The following ISM2 variants were observed in gnomAD, a reference collection of about 807,000 sequenced individuals.
The protein encoded by ISM2 is isthmin-2.
In ISM2, 50 loss-of-function variants were observed where a neutral mutation model predicts 58.0. The observed-to-expected ratio is 0.86, with a 90% CI of 0.69 to 1.09. ISM2 has a LOEUF of 1.09. Ranked by LOEUF, ISM2 falls within the 50% of genes least tolerant of loss-of-function variation. The pLI is 0.00. For synonymous variants in ISM2, 303 were observed against 312.4 expected, an observed-to-expected ratio of 0.97 and a Z score of 0.32; for missense variants, 723 against 745.0, an observed-to-expected ratio of 0.97 and a Z score of 0.34.
At chr14:77,493,042 G>A (rs537996892) in intron 1 of ISM2, among the ~76,000 whole-genome samples, 3 of 152,122 alleles carry the variant, frequency 2.0e-5, no homozygotes, top group African/African-American at 4.8e-5. Context: ...CACCCAGGCT[G>A]GAGTGCAGTG....
intron 1 of ISM2, among the ~76,000 whole-genome samples, chr14:77,490,275 G>T (rs2079194758): frequency 6.6e-6 from 1 of 152,270 alleles, no homozygotes; most frequent in African/African-American, 2.4e-5. Flanking sequence ...GGGATTACAG[G>T]CGTGAGCCAC....
At chr14:77,486,045 C>T (rs2079165633) in intron 1 of ISM2, among the ~76,000 whole-genome samples, 1 of 152,244 alleles carries the variant, frequency 6.6e-6, no homozygotes, top group Non-Finnish European at 1.5e-5. Flanking sequence ...TTTCATCCTC[C>T]CTGTCTTACA....
At chr14:77,493,008 A>C (rs1009929840) in intron 1 of ISM2, among the ~76,000 whole-genome samples, 7 of 152,004 alleles carry the variant, frequency 4.6e-5, no homozygotes, top group African/African-American at 1.7e-4. Context: ...AAAAAGAAAA[A>C]AAAAAGACAG....
intron 5 of ISM2, 124 bp from the exon 6 acceptor site, chr14:77,478,449 G>T: frequency 7.0e-7 from 1 of 1,435,886 alleles, no homozygotes. Context: ...CTGGGACAAG[G>T]CAGGACCACC....
intron 1 of ISM2, 190 bp downstream of exon 1, chr14:77,498,462 GA>G: frequency 8.5e-7 from 1 of 1,173,190 alleles, no homozygotes; most frequent in Non-Finnish European, 1.2e-6. Flanking sequence ...GCGAGGAGTG[GA>G]AGCCCCGAAG....
Position 77,475,871 on chromosome 14 carries a change from C to T in ISM2, c.1440G>A (p.Leu480=), listed in dbSNP as rs1306812133. 1.2e-6 allele frequency: 2 copies of T among 1,607,764 alleles called. No homozygotes were observed. The highest frequency in any genetic ancestry group is 1.7e-5 in the Admixed American group (1 of 60,006). ...PTARFCLRSM[L]SGESSTLAAQ... is the part of the protein sequence containing the mutation. ...CGGCCAGTGTGCTGCTCTCCCCAGA[C>T]AGCATGGAACGCAGGCAGAAGCGCG... is the stretch of plus-strand genomic sequence containing the variant. The change falls in exon 7 of 7, where the codon CTG becomes CTA. Residue 480 remains leucine, a synonymous_variant. Transcript: ENST00000342219. This position sits in a 1 kb window ranked among gnomAD's most constrained non-coding sequence, Gnocchi z 4.1.
At chr14:77,496,799 G>GGAAAAAAAAAA (rs2079244256) in intron 1 of ISM2, among the ~76,000 whole-genome samples, 1 of 25,788 alleles carries the variant, frequency 3.9e-5, no homozygotes, top group African/African-American at 1.8e-4. Context: ...TCCATCTCAG[G>GGAAAAAAAAAA]AAAAAAAAAA....
chr14:77,491,885 G>A (rs1332550139), intron 1 of ISM2, among the ~76,000 whole-genome samples: 4 of 150,806 alleles, frequency 2.7e-5, no homozygotes, highest in Admixed American at 6.6e-5. Flanking sequence ...TAGTAGAGAC[G>A]GGGTTTCACC....
chr14:77,483,267 G>A (rs558226262), intron 3 of ISM2, among the ~76,000 whole-genome samples: 16 of 152,184 alleles, frequency 1.1e-4, no homozygotes, highest in Admixed American at 4.6e-4. Context: ...AATGAAAATC[G>A]CCTATATTCT....
Position 77,482,379 on chromosome 14 carries a change from A to G in ISM2, c.916T>C (p.Trp306Arg). 1 of 1,614,120 alleles carries G rather than the reference A, an allele frequency of 6.2e-7. No individual in the cohort carries two copies. Among genetic ancestry groups the G allele is most frequent in the Non-Finnish European group, 8.5e-7 (1 of 1,180,002 alleles). ...ALWFNGTTDN[W>R]DQGWLAPGDW... ...CCGGGGGCCAGCCAGCCCTGGTCCC[A>G]GTTGTCTGTAGTTCCATTGAACCAG... Residue 306 changes from tryptophan (W) to arginine (R), a missense_variant, in exon 4 of 7, where the codon TGG (tryptophan) becomes CGG (arginine). Trp to Arg is a moderately radical substitution (Grantham distance 101, BLOSUM62 -3). Coordinates refer to ENST00000342219, the MANE Select transcript of ISM2 (RefSeq NM_199296.3).
At position 77,478,719 on chromosome 14, in the gene ISM2, G is replaced by A. The variant is rs764957475; in HGVS notation, c.974-4C>T. The A allele has an allele frequency of 2.5e-6, 4 of 1,608,432 alleles. No homozygotes were observed. The highest frequency in any genetic ancestry group is 1.3e-5 in the African/African-American group (1 of 74,784). On this transcript the variant is annotated splice_polypyrimidine_tract_variant and splice_region_variant and intron_variant, in intron 4 of 6. Transcript: ENST00000342219. ...CACTCCTTCTGAGGCTCATAGTCTG[G>A]GTTAAGACAGGGAGTTGGGGGTGAG...
chr14:77,478,311 C>T lies in ISM2; in HGVS notation c.1129G>A (p.Asp377Asn). The change falls in exon 6 of 7, where the codon GAC becomes AAC. Residue 377 changes from aspartate (D) to asparagine (N), a missense_variant. Coordinates refer to ENST00000342219, the MANE Select transcript of ISM2 (RefSeq NM_199296.3). ...TCCTCACTGGGGAGGCCCAAGGTGT[C>T]CTTGTCCTCAGTGCCTTTGGGAGGA... ...LPSCPGTEDK[D>N]TLGLPSEEWK... is the part of the protein sequence containing the mutation. The T allele has an allele frequency of 6.2e-7, 1 of 1,614,100 alleles. No individual in the cohort carries two copies. Among genetic ancestry groups the T allele is most frequent in the Non-Finnish European group, 8.5e-7 (1 of 1,179,958 alleles).
At chr14:77,478,828 C>T (rs2068184248) in intron 4 of ISM2, 113 bp from the exon 5 acceptor site, 1 of 1,102,634 alleles carries the variant, frequency 9.1e-7, no homozygotes, top group Non-Finnish European at 1.3e-6. Context: ...CCAGGGCTTC[C>T]AGCCTCATGA....
At position 77,475,707 on chromosome 14, in the gene ISM2, C is replaced by T; in HGVS notation, c.1604G>A (p.Gly535Glu). 2 of 1,614,132 alleles carry T rather than the reference C, an allele frequency of 1.2e-6. No homozygotes were observed. The highest frequency in any genetic ancestry group is 1.7e-6 in the Non-Finnish European group (2 of 1,180,038). ...FDTTPWILCK[G>E]DWSRLHAVLP... ...CACAGCGTGGAGGCGGCTCCAGTCC[C>T]CCTTGCACAGGATCCAGGGCGTCGT... Residue 535 changes from glycine (G) to glutamate (E), a missense_variant, in exon 7 of 7, where the codon GGG (glycine) becomes GAG (glutamate). Physicochemically the swap from Gly to Glu is moderately conservative, Grantham distance 98. Coordinates refer to ENST00000342219, the MANE Select transcript of ISM2 (RefSeq NM_199296.3). The surrounding 1 kb of genome is among the most constrained non-coding windows in gnomAD (Gnocchi z 4.1).
chr14:77,489,381 T>C (rs910651882), intron 1 of ISM2, among the ~76,000 whole-genome samples: 9 of 152,082 alleles, frequency 5.9e-5, no homozygotes, highest in Non-Finnish European at 1.0e-4. Flanking sequence ...ATTGCCTCTT[T>C]AGCCAGGCCT....
intron 1 of ISM2, among the ~76,000 whole-genome samples, chr14:77,493,837 T>A (rs2079222156): frequency 6.6e-6 from 1 of 152,028 alleles, no homozygotes; most frequent in Non-Finnish European, 1.5e-5. Context: ...AGTGGCGCGA[T>A]CTTGGCTCAC....
chr14:77,491,567 T>A (rs980994321), intron 1 of ISM2, among the ~76,000 whole-genome samples: 2 of 152,078 alleles, frequency 1.3e-5, no homozygotes, highest in African/African-American at 4.8e-5. Flanking sequence ...TTTTTTGGTA[T>A]TTTTAGTAGA....
intron 1 of ISM2, among the ~76,000 whole-genome samples, chr14:77,496,291 C>T (rs2079239721): frequency 6.7e-6 from 1 of 149,948 alleles, no homozygotes; most frequent in Non-Finnish European, 1.5e-5. Flanking sequence ...GAGTTCAAGA[C>T]CAGCCTGACC....
At chr14:77,498,174 C>T (rs1324848148) in intron 1 of ISM2, 5 of 1,115,310 alleles carry the variant, frequency 4.5e-6, no homozygotes, top group Non-Finnish European at 5.8e-6. Context: ...CCCCTGCCGG[C>T]GGCTGGAGAG....
Sources: gnomAD v4.1 joint callset for allele counts (sites outside exome capture counted in the v4.1 genomes callset) on GRCh38, gnomAD v4.1.1 for gene constraint, Gnocchi (gnomAD v3.1) non-coding constraint, MANE v1.5 for transcripts, NCBI Gene and HGNC (gene_info 2026-07-23, HGNC 2026-07-21) for gene names.